Variants in HHIPL1 observed in about 807,000 individuals in gnomAD.
HHIPL1 encodes HHIP like 1.
A neutral mutation model predicts 61.8 loss-of-function variants in HHIPL1; 43 were observed. That is an observed-to-expected ratio of 0.70 (90% confidence interval 0.55 to 0.90). HHIPL1 has a LOEUF of 0.90. HHIPL1 is among the 40% of genes least tolerant of loss of function. HHIPL1 has a pLI of 0.00. For synonymous variants in HHIPL1, 482 were observed against 515.8 expected (o/e 0.93, Z 0.89); for missense variants, 1,056 against 1,157.7 (o/e 0.91, Z 1.28).
At position 99,659,468 on chromosome 14, in the gene HHIPL1, C is replaced by A. The variant is rs1232867367; in HGVS notation, c.1087C>A (p.Arg363Ser). 5 of 1,528,770 alleles carry A rather than the reference C, an allele frequency of 3.3e-6. No individual in the cohort carries two copies. The highest frequency in any genetic ancestry group is 4.4e-6 in the Non-Finnish European group (5 of 1,143,178). 94.7% of individuals were successfully genotyped at this position (1,528,770 alleles called of 1,614,324 possible). ...LGKVLRIDVDRKERGLPYGIP... is the reference protein window; with the variant it reads ...LGKVLRIDVDSKERGLPYGIP... The stretch of plus-strand genomic sequence containing the variant: ...CAAGGTGCTGCGCATCGACGTGGAC[C>A]GTAAGGAGCGCGGCCTGCCCTACGG... The change falls in exon 4 of 9, where the codon CGT becomes AGT. Residue 363 changes from arginine to serine, a missense_variant. Arg to Ser is a moderately radical substitution (Grantham distance 110). Transcript: ENST00000330710.
upstream of HHIPL1, among the ~76,000 whole-genome samples, chr14:99,642,001 G>A (rs2055758083): frequency 6.6e-6 from 1 of 151,520 alleles, no homozygotes; most frequent in African/African-American, 2.4e-5. Flanking sequence ...GTGCAGTGGT[G>A]TGATCTCGGC....
intron 2 of HHIPL1, 139 bp downstream of exon 2, chr14:99,653,009 G>A: frequency 1.2e-6 from 1 of 861,232 alleles, no homozygotes; most frequent in South Asian, 1.8e-5. Context: ...TCATGCTTTG[G>A]GGCCTGGAGA....
At chr14:99,622,700 A>C in the HHIPL1 span, among the ~76,000 whole-genome samples, 1 of 152,070 alleles carries the variant, frequency 6.6e-6, no homozygotes, top group Non-Finnish European at 1.5e-5. Flanking sequence ...AGTTCCCAAA[A>C]ACCCAGCCCA....
chr14:99,664,101 C>G (rs1207141900), intron 6 of HHIPL1, among the ~76,000 whole-genome samples: 1 of 152,198 alleles, frequency 6.6e-6, no homozygotes, highest in East Asian at 1.9e-4. Context: ...GGATCCTGCT[C>G]CAGCCTCCTG....
the HHIPL1 span, among the ~76,000 whole-genome samples, chr14:99,637,229 A>AAAGAAAGAAAGG: frequency 6.9e-6 from 1 of 145,704 alleles, no homozygotes; most frequent in Non-Finnish European, 1.5e-5. Context: ...AGAAAGAAAG[A>AAAGAAAGAAAGG]AAGAAAGAAA....
chr14:99,663,341 T>C (rs2056185881), intron 6 of HHIPL1, among the ~76,000 whole-genome samples: 1 of 152,150 alleles, frequency 6.6e-6, no homozygotes, highest in East Asian at 1.9e-4. Context: ...TTGCCCACTT[T>C]TATGATTATT....
intron 1 of HHIPL1, among the ~76,000 whole-genome samples, chr14:99,648,512 G>A (rs769105145): frequency 5.6e-4 from 86 of 152,330 alleles, no homozygotes; most frequent in Middle Eastern, 6.8e-3. Context: ...CCCACAGTCC[G>A]TGGAGTGGAC....
rs753819284 is a variant in HHIPL1, at chr14:99,668,218, A to G, written c.1649-4A>G. On this transcript the variant is annotated splice_polypyrimidine_tract_variant and splice_region_variant and intron_variant, in intron 6 of 8. Coordinates refer to ENST00000330710, the MANE Select transcript of HHIPL1 (RefSeq NM_001127258.3). This position sits in a 1 kb window ranked among gnomAD's most constrained non-coding sequence, Gnocchi z 4.7. ...TCTCACTAGTCACTTTGTTCTGTCC[A>G]AAGGGGAGCTGTACTTCATGTCGAC... 1 of 1,599,130 alleles carries G rather than the reference A, an allele frequency of 6.3e-7. No homozygotes were observed. The highest frequency in any genetic ancestry group is 8.6e-7 in the Non-Finnish European group (1 of 1,166,426).
intron 3 of HHIPL1, among the ~76,000 whole-genome samples, chr14:99,657,557 G>A (rs1198116611): frequency 6.6e-6 from 1 of 152,136 alleles, no homozygotes; most frequent in African/African-American, 2.4e-5. Flanking sequence ...GCTGGAGCAG[G>A]GTGGCAACAG....
the HHIPL1 span, among the ~76,000 whole-genome samples, chr14:99,619,722 C>A: frequency 6.6e-6 from 1 of 151,470 alleles, no homozygotes; most frequent in Admixed American, 6.6e-5. Context: ...CCCCGCCCCC[C>A]ATCCTCCCCA....
At position 99,668,124 on chromosome 14, in the gene HHIPL1, T is replaced by C; in HGVS notation, c.1649-98T>C. ...ACGTGATGGCTAGCTGGGGTTGGGG[T>C]CTATTTCCAAGCCTGCAGGGAGCCG... is the stretch of plus-strand genomic sequence containing the variant. On this transcript the variant is annotated intron_variant, in intron 6 of 8. Transcript: ENST00000330710. This position sits in a 1 kb window ranked among gnomAD's most constrained non-coding sequence, Gnocchi z 4.7. The C allele has an allele frequency of 1.3e-6, 1 of 770,146 alleles. No homozygotes were observed. Among genetic ancestry groups the C allele is most frequent in the Non-Finnish European group, 2.4e-6 (1 of 417,162 alleles). 47.7% of individuals were successfully genotyped at this position (770,146 alleles called of 1,614,324 possible).
chr14:99,659,777 G>A (rs747391124), intron 4 of HHIPL1, 21 bp downstream of exon 4: 30 of 1,316,590 alleles, frequency 2.3e-5, no homozygotes, highest in Non-Finnish European at 2.9e-5. Context: ...GCGCCCCGGG[G>A]ACCCCGGCCC....
chr14:99,615,523 G>A, the HHIPL1 span, among the ~76,000 whole-genome samples: 3 of 151,908 alleles, frequency 2.0e-5, no homozygotes, highest in African/African-American at 2.4e-5. Flanking sequence ...CAGCTTGGGT[G>A]GCAGAGTGAG....
At chr14:99,638,509 G>A in the HHIPL1 span, among the ~76,000 whole-genome samples, 18 of 152,296 alleles carry the variant, frequency 1.2e-4, no homozygotes, top group African/African-American at 3.4e-4. Flanking sequence ...TATGTGCCCT[G>A]ATAGTGGCAG....
chr14:99,607,540 T>C, the HHIPL1 span, among the ~76,000 whole-genome samples: 1 of 152,136 alleles, frequency 6.6e-6, no homozygotes, highest in Non-Finnish European at 1.5e-5. Context: ...TGAGAACCGG[T>C]ACGCTAACAC....
At chr14:99,626,939 G>C in the HHIPL1 span, among the ~76,000 whole-genome samples, 4 of 152,218 alleles carry the variant, frequency 2.6e-5, no homozygotes, top group African/African-American at 7.2e-5. Context: ...GTGAGGGAGA[G>C]AGTAATATGT....
upstream of HHIPL1, among the ~76,000 whole-genome samples, chr14:99,642,719 T>C (rs1033322180): frequency 4.6e-5 from 7 of 151,954 alleles, no homozygotes; most frequent in Non-Finnish European, 1.0e-4. Context: ...AGAGATGGGG[T>C]TTCACCGTAT....
At chr14:99,671,954 A>G (rs1395632682) in intron 7 of HHIPL1, among the ~76,000 whole-genome samples, 1 of 152,276 alleles carries the variant, frequency 6.6e-6, no homozygotes, top group Admixed American at 6.5e-5. Flanking sequence ...ATCAGGCTGC[A>G]TTTCAGGAAT....
At position 99,675,325 on chromosome 14, in the gene HHIPL1, C is replaced by T; in HGVS notation, c.2048C>T (p.Ser683Phe). 7.1e-7 allele frequency: 1 copy of T among 1,417,724 alleles called. No individual in the cohort carries two copies. The highest frequency in any genetic ancestry group is 9.2e-7 in the Non-Finnish European group (1 of 1,085,720). 87.8% of individuals were successfully genotyped at this position (1,417,724 alleles called of 1,614,324 possible). ...VRLVRPAGLS[S>F]GSGRVEVFVG... ...CTGGTGCGGCCCGCGGGCCTGAGCT[C>T]TGGCAGCGGGCGCGTGGAGGTGTTC... The change falls in exon 9 of 9, where the codon TCT becomes TTT. Residue 683 changes from serine (S) to phenylalanine (F), a missense_variant. Transcript: ENST00000330710. The surrounding 1 kb of genome is among the most constrained non-coding windows in gnomAD (Gnocchi z 5.4).
Sources: allele counts gnomAD v4.1 joint callset (sites outside exome capture counted in the v4.1 genomes callset), GRCh38; gene constraint gnomAD v4.1.1; non-coding constraint Gnocchi (gnomAD v3.1); transcripts MANE v1.5; gene names NCBI Gene and HGNC (gene_info 2026-07-23, HGNC 2026-07-21).